The following ENOX2 variants were observed in gnomAD, a reference collection of about 807,000 sequenced individuals.
ENOX2 encodes the protein ecto-NOX disulfide-thiol exchanger 2, also known as APK1 antigen.
ENOX2 carries 36 observed loss-of-function variants against 45.0 expected under a neutral mutation model. The observed-to-expected ratio is 0.80, with a 90% confidence interval of 0.61 to 1.06. The LOEUF (loss-of-function observed/expected upper bound fraction) is 1.06. Among genes scored for constraint, ENOX2 ranks in the 50% least tolerant of loss-of-function variants. The pLI, the probability that ENOX2 is intolerant of heterozygous loss-of-function variation, is 0.00. For missense variants in ENOX2, 423 were observed against 462.5 expected (o/e 0.91, Z 0.78); for synonymous variants, 174 against 152.3 (o/e 1.14, Z -1.05).
At chrX:130,857,059 T>C (rs2078320539) in intron 2 of ENOX2, among the ~76,000 whole-genome samples, 1 of 111,826 alleles carries the variant, frequency 8.9e-6, no homozygotes, top group Non-Finnish European at 1.9e-5. Flanking sequence ...AAAGCACAAA[T>C]GTGTATTAAC....
intron 5 of ENOX2, among the ~76,000 whole-genome samples, chrX:130,682,279 ATG>A (rs1374408269): frequency 9.1e-6 from 1 of 110,128 alleles, no homozygotes; most frequent in Non-Finnish European, 1.9e-5. Context: ...TGGCAGTTAC[ATG>A]TAACACTGAA....
intron 5 of ENOX2, among the ~76,000 whole-genome samples, chrX:130,682,920 C>T (rs1324760859): frequency 9.0e-6 from 1 of 111,574 alleles, no homozygotes; most frequent in Non-Finnish European, 1.9e-5. Flanking sequence ...ATACAGTGAT[C>T]AGGGCACAGC....
intron 8 of ENOX2, among the ~76,000 whole-genome samples, chrX:130,666,344 G>A (rs773502226): frequency 8.9e-6 from 1 of 112,053 alleles, no homozygotes; most frequent in East Asian, 2.8e-4. Context: ...TTTTAGGGAA[G>A]GATGCTGTGT....
chrX:130,625,439 T>C lies in ENOX2; in HGVS notation c.1621A>G (p.Thr541Ala). 8.3e-7 allele frequency: 1 copy of C among 1,206,268 alleles called. No homozygotes were observed. The highest frequency in any genetic ancestry group is 2.3e-4 in the Middle Eastern group (1 of 4,285). Reference sequence around the variant, plus strand: ...CCCATGAGACACTCCACATCGCTGGTGCAGATCTGTGGGACAGAGAGAACA... The same window carrying C: ...CCCATGAGACACTCCACATCGCTGGCGCAGATCTGTGGGACAGAGAGAACA... ...YLHRLDNKIC[T>A]SDVECLMGRL... The change falls in exon 15 of 15, where the codon ACC becomes GCC. Residue 541 changes from threonine to alanine, a missense_variant. By Grantham distance (58) the Thr-to-Ala change is moderately conservative (BLOSUM62 0). This residue lies in a region of ENOX2 where 34 missense variants were observed against 31.3 expected (regional missense o/e 1.09). Coordinates refer to ENST00000394363, the MANE Select transcript of ENOX2 (RefSeq NM_006375.4).
intron 3 of ENOX2, among the ~76,000 whole-genome samples, chrX:130,759,189 T>C (rs1198924037): frequency 1.8e-5 from 2 of 111,561 alleles, no homozygotes; most frequent in Non-Finnish European, 3.8e-5. Flanking sequence ...TTTTATATTT[T>C]AAATGTAAGT....
chrX:130,662,112 T>G (rs1053535584), intron 9 of ENOX2, among the ~76,000 whole-genome samples: 1 of 112,056 alleles, frequency 8.9e-6, no homozygotes, highest in Non-Finnish European at 1.9e-5. Flanking sequence ...AAAGTCACTA[T>G]AGACACCAAC....
intron 2 of ENOX2, among the ~76,000 whole-genome samples, chrX:130,857,899 C>A (rs2078339438): frequency 9.0e-6 from 1 of 110,853 alleles, no homozygotes; most frequent in Admixed American, 9.6e-5. Flanking sequence ...TTTTTAATTA[C>A]AAATGAACAA....
chrX:130,636,123 G>A (rs776351673), intron 11 of ENOX2, among the ~76,000 whole-genome samples: 1 of 112,030 alleles, frequency 8.9e-6, no homozygotes, highest in Non-Finnish European at 1.9e-5. Context: ...AATGTACATT[G>A]TCAAAGTTCT....
chrX:130,691,738 A>G (rs1391786970), intron 4 of ENOX2, among the ~76,000 whole-genome samples: 1 of 112,158 alleles, frequency 8.9e-6, no homozygotes, highest in Non-Finnish European at 1.9e-5. Flanking sequence ...CCTCCTTGTT[A>G]TTCGTATAGC....
intron 9 of ENOX2, among the ~76,000 whole-genome samples, chrX:130,658,871 A>G (rs2036611301): frequency 1.8e-5 from 2 of 112,657 alleles, no homozygotes; most frequent in African/African-American, 6.4e-5. Context: ...AATATGCTAT[A>G]GAAAATGCTG....
Position 130,623,050 on chromosome X carries a change from T to A in ENOX2, c.*2264A>T, listed in dbSNP as rs764951407. The stretch of plus-strand genomic sequence containing the variant: ...GGTCCACCCACATTATAATGGGTAA[T>A]CTGTTTTACTCAAAGTCTACTGGCT... On this transcript the variant is annotated 3_prime_UTR_variant, in exon 15 of 15. Coordinates refer to ENST00000394363, the MANE Select transcript of ENOX2 (RefSeq NM_006375.4). Among the ~76,000 whole-genome samples, 2 of 111,677 alleles carry A rather than the reference T, an allele frequency of 1.8e-5. No individual in the cohort carries two copies. The highest frequency in any genetic ancestry group is 5.6e-4 in the East Asian group (2 of 3,552).
At chrX:130,873,550 A>C (rs905745816) in intron 2 of ENOX2, among the ~76,000 whole-genome samples, 4 of 111,954 alleles carry the variant, frequency 3.6e-5, no homozygotes, top group African/African-American at 1.3e-4. Context: ...CTGGGTATAT[A>C]CCCAAAGGAT....
chrX:130,872,156 C>T (rs1232269614), intron 2 of ENOX2, among the ~76,000 whole-genome samples: 4 of 112,025 alleles, frequency 3.6e-5, no homozygotes, highest in East Asian at 5.6e-4. Flanking sequence ...ATTGCTAATA[C>T]TAGAAACCAT....
intron 2 of ENOX2, among the ~76,000 whole-genome samples, chrX:130,794,890 T>A (rs1010153851): frequency 4.4e-5 from 5 of 112,464 alleles, no homozygotes; most frequent in African/African-American, 1.6e-4. Context: ...TTTAATTATC[T>A]TCTAATTAAC....
At chrX:130,739,461 A>G (rs140749098) in intron 3 of ENOX2, among the ~76,000 whole-genome samples, 328 of 112,686 alleles carry the variant, frequency 2.9e-3, no homozygotes, top group African/African-American at 9.8e-3. Context: ...ATCGGGCAGT[A>G]ACCCCATCTT....
intron 12 of ENOX2, among the ~76,000 whole-genome samples, chrX:130,633,835 G>C (rs186003431): frequency 8.9e-6 from 1 of 112,357 alleles, no homozygotes; most frequent in East Asian, 2.8e-4. Context: ...AGCCCCGATG[G>C]CATGAGGAAA....
chrX:130,854,660 A>G (rs1028944851), intron 2 of ENOX2, among the ~76,000 whole-genome samples: 2 of 111,096 alleles, frequency 1.8e-5, no homozygotes, highest in African/African-American at 6.5e-5. Flanking sequence ...GAGAAACAAC[A>G]CATTTACCTA....
intron 2 of ENOX2, among the ~76,000 whole-genome samples, chrX:130,866,834 A>G (rs1459442510): frequency 9.0e-6 from 1 of 110,686 alleles, no homozygotes; most frequent in African/African-American, 3.3e-5. Flanking sequence ...TAACAGTAAG[A>G]CAAGTTTCTT....
chrX:130,649,087 C>T (rs1461723010), intron 10 of ENOX2, among the ~76,000 whole-genome samples: 2 of 95,417 alleles, frequency 2.1e-5, no homozygotes, highest in Non-Finnish European at 4.1e-5. Flanking sequence ...AGCCTGACAC[C>T]TCCCCTCTCC....
Sources: allele counts gnomAD v4.1 joint callset (sites outside exome capture counted in the v4.1 genomes callset), GRCh38; gene constraint gnomAD v4.1.1; regional missense constraint gnomAD v4.1.1; transcripts MANE v1.5; gene names NCBI Gene and HGNC (gene_info 2026-07-23, HGNC 2026-07-21).